Variants in PTPRT observed in about 807,000 individuals in gnomAD.
The protein encoded by PTPRT is protein tyrosine phosphatase receptor type T, also known as receptor-type tyrosine-protein phosphatase T.
In PTPRT, 56 loss-of-function variants were observed where a neutral mutation model predicts 176.8. The observed-to-expected ratio is 0.32, with a 90% CI of 0.26 to 0.40. The LOEUF is 0.40. PTPRT is among the 10% of genes least tolerant of loss of function. PTPRT has a pLI of 1.00. For missense variants in PTPRT, 1,540 were observed against 1,908.2 expected, an observed-to-expected ratio of 0.81 and a Z score of 3.60; for synonymous variants, 783 against 739.0, an observed-to-expected ratio of 1.06 and a Z score of -0.96.
chr20:42,460,401 G>A (rs757407685), intron 8 of PTPRT, among the ~76,000 whole-genome samples: 10 of 152,130 alleles, frequency 6.6e-5, no homozygotes, highest in Non-Finnish European at 1.0e-4. Context: ...TACAATGGTG[G>A]CATCGAGTAG....
At chr20:42,146,812 C>T (rs746959726) in intron 17 of PTPRT, among the ~76,000 whole-genome samples, 2 of 152,186 alleles carry the variant, frequency 1.3e-5, no homozygotes, top group Admixed American at 6.5e-5. Flanking sequence ...TGACTTCACC[C>T]CAAATGCCCC....
intron 14 of PTPRT, among the ~76,000 whole-genome samples, chr20:42,248,007 C>T (rs1359046593): frequency 6.6e-6 from 1 of 152,170 alleles, no homozygotes; most frequent in Non-Finnish European, 1.5e-5. Context: ...AGGGAGGAAT[C>T]TGTGTGCATG....
chr20:42,120,481 A>G (rs1237754036), intron 19 of PTPRT, among the ~76,000 whole-genome samples: 1 of 152,224 alleles, frequency 6.6e-6, no homozygotes, highest in East Asian at 1.9e-4. Context: ...CTCTATGCCA[A>G]CATTCCTGGG....
intron 7 of PTPRT, among the ~76,000 whole-genome samples, chr20:42,667,409 A>G (rs565983881): frequency 5.1e-4 from 78 of 152,298 alleles, no homozygotes; most frequent in African/African-American, 1.8e-3. Flanking sequence ...TACAGTAGAT[A>G]CCCCTCAAAT....
chr20:42,194,671 G>T (rs1007252468), intron 16 of PTPRT, among the ~76,000 whole-genome samples: 6 of 152,134 alleles, frequency 3.9e-5, no homozygotes, highest in Admixed American at 6.5e-5. Flanking sequence ...AGGGCAGTAA[G>T]ATCAAAATCA....
chr20:43,125,593 T>C (rs1320366488), intron 1 of PTPRT, among the ~76,000 whole-genome samples: 1 of 152,254 alleles, frequency 6.6e-6, no homozygotes. Flanking sequence ...TTAATTTTGA[T>C]GTGATAAATG....
chr20:42,036,576 T>G, the PTPRT span, among the ~76,000 whole-genome samples: 1 of 152,176 alleles, frequency 6.6e-6, no homozygotes, highest in African/African-American at 2.4e-5. Context: ...GCAAATAAGA[T>G]AATGATTGGG....
At chr20:42,608,371 T>C (rs2145814656) in intron 7 of PTPRT, among the ~76,000 whole-genome samples, 1 of 152,284 alleles carries the variant, frequency 6.6e-6, no homozygotes, top group Admixed American at 6.5e-5. Flanking sequence ...TAAATACCCG[T>C]GCTGTCAAAG....
intron 7 of PTPRT, among the ~76,000 whole-genome samples, chr20:42,552,779 C>T (rs913721820): frequency 1.3e-5 from 2 of 151,910 alleles, no homozygotes; most frequent in African/African-American, 4.8e-5. Context: ...GAAAAATGTA[C>T]AAGGGAAGTA....
chr20:42,813,847 C>G (rs941804159), intron 2 of PTPRT, among the ~76,000 whole-genome samples: 19 of 152,088 alleles, frequency 1.2e-4, no homozygotes, highest in African/African-American at 4.6e-4. Context: ...CAGGTATTTA[C>G]TTTTCTGATG....
intron 1 of PTPRT, among the ~76,000 whole-genome samples, chr20:42,895,098 G>A (rs1425248296): frequency 6.6e-6 from 1 of 152,230 alleles, no homozygotes; most frequent in East Asian, 1.9e-4. Flanking sequence ...TAAAAGGCTA[G>A]ATAGTAAATA....
chr20:42,085,861 A>G lies in PTPRT; in HGVS notation c.3847-8T>C, dbSNP rs1983839093. On this transcript the variant is annotated splice_polypyrimidine_tract_variant and splice_region_variant and intron_variant, in intron 27 of 30. Transcript: ENST00000373187. ...CCAGTACTGCATACAGAACTGAGAT[A>G]AGGAAAGAGGTCACAGAAGGAGCTC... The G allele has an allele frequency of 3.7e-6, 6 of 1,610,056 alleles. No individual in the cohort carries two copies. The highest frequency in any genetic ancestry group is 4.2e-6 in the Non-Finnish European group (5 of 1,176,570).
chr20:43,006,123 T>C (rs1984843079), intron 1 of PTPRT, among the ~76,000 whole-genome samples: 1 of 152,238 alleles, frequency 6.6e-6, no homozygotes, highest in Admixed American at 6.5e-5. Context: ...TCTTCTTTCA[T>C]ATATTTCCTA....
At chr20:42,680,813 T>C (rs1265976050) in intron 6 of PTPRT, among the ~76,000 whole-genome samples, 5 of 152,234 alleles carry the variant, frequency 3.3e-5, no homozygotes, top group Non-Finnish European at 5.9e-5. Flanking sequence ...TTTCATGTAT[T>C]TCTAATGGCA....
chr20:42,105,664 G>T (rs1385572845), intron 24 of PTPRT, among the ~76,000 whole-genome samples: 1 of 152,206 alleles, frequency 6.6e-6, no homozygotes, highest in Non-Finnish European at 1.5e-5. Flanking sequence ...CAACCAGCAA[G>T]CCTGGCTTCT....
chr20:42,238,553 TG>T (rs1466743044), intron 14 of PTPRT, among the ~76,000 whole-genome samples: 1 of 152,152 alleles, frequency 6.6e-6, no homozygotes, highest in East Asian at 1.9e-4. Flanking sequence ...GCCTGGAAGG[TG>T]ATTCCCCTGG....
intron 16 of PTPRT, among the ~76,000 whole-genome samples, chr20:42,197,763 T>C (rs1221544896): frequency 6.6e-6 from 1 of 151,214 alleles, no homozygotes; most frequent in Non-Finnish European, 1.5e-5. Context: ...AGAGAGAGGG[T>C]GAGTACAGCC....
intron 5 of PTPRT, among the ~76,000 whole-genome samples, chr20:42,765,203 A>C (rs1003269449): frequency 3.3e-5 from 5 of 151,750 alleles, no homozygotes; most frequent in Admixed American, 1.3e-4. Context: ...TGTCATAAAA[A>C]CCCCTCGTGG....
chr20:43,060,159 G>C (rs975452174), intron 1 of PTPRT, among the ~76,000 whole-genome samples: 1 of 151,940 alleles, frequency 6.6e-6, no homozygotes, highest in Non-Finnish European at 1.5e-5. Flanking sequence ...CCATTTCTCG[G>C]TACCAATTTT....
Sources: allele counts gnomAD v4.1 joint callset (sites outside exome capture counted in the v4.1 genomes callset), GRCh38; gene constraint gnomAD v4.1.1; transcripts MANE v1.5; gene names NCBI Gene and HGNC (gene_info 2026-07-23, HGNC 2026-07-21).